C9orf40: variants seen among roughly 807,000 people sequenced by gnomAD.
C9orf40 encodes uncharacterized protein C9orf40.
In C9orf40, 2 loss-of-function variants were observed where a neutral mutation model predicts 7.9. That is an observed-to-expected ratio of 0.25 (90% CI 0.10 to 0.80). C9orf40 has a LOEUF of 0.80. Ranked by LOEUF, C9orf40 falls within the 30% of genes least tolerant of loss-of-function variation. The pLI is 0.68. For missense variants in C9orf40, 256 were observed against 268.5 expected (o/e 0.95, Z 0.33); for synonymous variants, 113 against 117.6 (o/e 0.96, Z 0.25).
intron 1 of C9orf40, among the ~76,000 whole-genome samples, chr9:74,951,656 C>G (rs893532972): frequency 1.3e-5 from 2 of 152,228 alleles, no homozygotes; most frequent in African/African-American, 4.8e-5. Flanking sequence ...TAAAACAAAG[C>G]TTTGACCAAG....
intron 1 of C9orf40, among the ~76,000 whole-genome samples, chr9:74,950,314 C>A (rs1035183088): frequency 1.3e-5 from 2 of 152,216 alleles, no homozygotes; most frequent in South Asian, 2.1e-4. Flanking sequence ...AGAACTCTTA[C>A]GCTTTGCCTA....
Position 74,952,689 on chromosome 9 carries a change from C to CT in C9orf40, c.-79dup. On this transcript the variant is annotated 5_prime_UTR_variant, in exon 1 of 2. Coordinates refer to ENST00000376854, the MANE Select transcript of C9orf40 (RefSeq NM_017998.3). This position sits in a 1 kb window ranked among gnomAD's most constrained non-coding sequence, Gnocchi z 5.4. ...AGCTGCGGGGGGCGAAGAGCGAGGA[C>CT]TGAGCGCGTGAGAGAGGGACAGGCC... 2.2e-6 allele frequency: 3 copies of CT among 1,360,952 alleles called. No individual in the cohort carries two copies. In the South Asian group the frequency reaches 4.2e-5, roughly 19 times the overall value. 84.3% of individuals were successfully genotyped at this position (1,360,952 alleles called of 1,614,324 possible). A position where few individuals can be genotyped will look rare whatever the true frequency, so the allele number is the denominator to read the frequency against.
chr9:74,951,215 C>A (rs1832291015), intron 1 of C9orf40, among the ~76,000 whole-genome samples: 1 of 152,190 alleles, frequency 6.6e-6, no homozygotes, highest in Non-Finnish European at 1.5e-5. Flanking sequence ...ATGAGGCAGG[C>A]TCATGTCTTG....
chr9:74,951,858 C>CTCA, intron 1 of C9orf40, among the ~76,000 whole-genome samples: 1 of 152,356 alleles, frequency 6.6e-6, no homozygotes. Flanking sequence ...TATGCCCTGA[C>CTCA]GGTCTGCGTT....
intron 1 of C9orf40, among the ~76,000 whole-genome samples, chr9:74,951,387 G>A (rs1257317127): frequency 6.6e-6 from 1 of 152,110 alleles, no homozygotes. Context: ...CATCTCCCAG[G>A]TTAAAGTGAT....
chr9:74,949,598 T>A (rs1345959758), intron 1 of C9orf40, among the ~76,000 whole-genome samples: 2 of 152,224 alleles, frequency 1.3e-5, no homozygotes, highest in East Asian at 3.8e-4. Flanking sequence ...TTTGAGGTAG[T>A]ATTTCCTAAA....
Position 74,952,799 on chromosome 9 carries a change from G to GAGGC in C9orf40, c.-192_-189dup. ...GGCCTAGGGCTGGGGCTCCGGCTCG[G>GAGGC]AGGCAGCTCCCGCGCTCAGCCCTCG... On this transcript the variant is annotated 5_prime_UTR_variant, in exon 1 of 2. Transcript: ENST00000376854. The surrounding 1 kb of genome is among the most constrained non-coding windows in gnomAD (Gnocchi z 5.4). The GAGGC allele has an allele frequency of 1.9e-6, 1 of 525,448 alleles. No individual in the cohort carries two copies. The highest frequency in any genetic ancestry group is 3.3e-6 in the Non-Finnish European group (1 of 305,636). The allele number at this position is 525,448 out of a possible 1,614,324, so 32.5% of individuals were successfully genotyped here.
At position 74,946,595 on chromosome 9, in the gene C9orf40, T is replaced by G. The variant is rs1163719125; in HGVS notation, c.*1453A>C. On this transcript the variant is annotated 3_prime_UTR_variant, in exon 2 of 2. Transcript: ENST00000376854. Reference sequence around the variant, plus strand: ...TAAACAGTCTCTCTGAGGTAGATACTATTTATTATTTCTCATTTTACAGGT... The same window carrying G: ...TAAACAGTCTCTCTGAGGTAGATACGATTTATTATTTCTCATTTTACAGGT... 2 of 152,158 alleles carry G rather than the reference T, an allele frequency of 1.3e-5. No individual in the cohort carries two copies. The highest frequency in any genetic ancestry group is 2.9e-5 in the Non-Finnish European group (2 of 67,994). 9.4% of individuals were successfully genotyped at this position (152,158 alleles called of 1,614,324 possible). A position where few individuals can be genotyped will look rare whatever the true frequency, so the allele number is the denominator to read the frequency against.
intron 1 of C9orf40, among the ~76,000 whole-genome samples, chr9:74,951,727 A>C (rs1419031098): frequency 2.0e-5 from 3 of 152,264 alleles, no homozygotes; most frequent in Non-Finnish European, 4.4e-5. Flanking sequence ...TCAATTAATC[A>C]ATGGCTACCA....
intron 1 of C9orf40, among the ~76,000 whole-genome samples, chr9:74,948,840 G>A (rs1435832238): frequency 2.0e-5 from 3 of 152,128 alleles, no homozygotes; most frequent in African/African-American, 7.2e-5. Flanking sequence ...CTTCTATGCT[G>A]AGCCTTAAAG....
rs1484433123 is a variant in C9orf40 at position 74,952,831 on chromosome 9, C to T, written c.-220G>A. On this transcript the variant is annotated 5_prime_UTR_variant, in exon 1 of 2. Transcript: ENST00000376854. The surrounding 1 kb of genome is among the most constrained non-coding windows in gnomAD (Gnocchi z 5.4). Reference sequence around the variant, plus strand: ...CTCCCGCGCTCAGCCCTCGCCGCCGCCGAGATGCGGCCCGGACGTTGAGAA... The same window carrying T: ...CTCCCGCGCTCAGCCCTCGCCGCCGTCGAGATGCGGCCCGGACGTTGAGAA... The T allele has an allele frequency of 6.1e-6, 3 of 491,272 alleles. No homozygotes were observed. The highest frequency in any genetic ancestry group is 1.1e-5 in the Non-Finnish European group (3 of 280,734). 30.4% of individuals were successfully genotyped at this position (491,272 alleles called of 1,614,324 possible). A position where few individuals can be genotyped will look rare whatever the true frequency, so the allele number is the denominator to read the frequency against.
Position 74,948,035 on chromosome 9 carries a change from T to C in C9orf40, c.*13A>G. ...CCTCAAATCAGCCAATCCCACTGCT[T>C]CGGCTCCTTACATCAGGACTCCATG... is the stretch of plus-strand genomic sequence containing the variant. On this transcript the variant is annotated 3_prime_UTR_variant, in exon 2 of 2. Coordinates refer to ENST00000376854, the MANE Select transcript of C9orf40 (RefSeq NM_017998.3). 2 of 1,608,980 alleles carry C rather than the reference T, an allele frequency of 1.2e-6. No individual in the cohort carries two copies. Among genetic ancestry groups the C allele is most frequent in the Non-Finnish European group, 1.7e-6 (2 of 1,177,620 alleles).
Position 74,952,707 on chromosome 9 carries a change from G to T in C9orf40, c.-96C>A. On this transcript the variant is annotated 5_prime_UTR_variant, in exon 1 of 2. Transcript: ENST00000376854. This position sits in a 1 kb window ranked among gnomAD's most constrained non-coding sequence, Gnocchi z 5.4. ...GCGAGGACTGAGCGCGTGAGAGAGG[G>T]ACAGGCCGAAGTCGGGCGAGGAGGC... The T allele has an allele frequency of 2.5e-6, 3 of 1,212,748 alleles. No homozygotes were observed. Among genetic ancestry groups the T allele is most frequent in the Admixed American group, 2.6e-5 (1 of 38,618 alleles). The allele number at this position is 1,212,748 out of a possible 1,614,324, so 75.1% of individuals were successfully genotyped here. A position where few individuals can be genotyped will look rare whatever the true frequency, so the allele number is the denominator to read the frequency against.
chr9:74,952,662 A>T lies in C9orf40; in HGVS notation c.-51T>A. On this transcript the variant is annotated 5_prime_UTR_variant, in exon 1 of 2. Coordinates refer to ENST00000376854, the MANE Select transcript of C9orf40 (RefSeq NM_017998.3). This position sits in a 1 kb window ranked among gnomAD's most constrained non-coding sequence, Gnocchi z 5.4. The stretch of plus-strand genomic sequence containing the variant: ...GCCAGGCGCGGGAGACCGAGTGCCG[A>T]TAGCTGCGGGGGGCGAAGAGCGAGG... 1 of 1,474,158 alleles carries T rather than the reference A, an allele frequency of 6.8e-7. No individual in the cohort carries two copies. The highest frequency in any genetic ancestry group is 9.0e-7 in the Non-Finnish European group (1 of 1,108,474). 91.3% of individuals were successfully genotyped at this position (1,474,158 alleles called of 1,614,324 possible). A position where few individuals can be genotyped will look rare whatever the true frequency, so the allele number is the denominator to read the frequency against.
At chr9:74,951,587 C>T (rs1832299515) in intron 1 of C9orf40, among the ~76,000 whole-genome samples, 1 of 152,140 alleles carries the variant, frequency 6.6e-6, no homozygotes, top group African/African-American at 2.4e-5. Context: ...CACCACGCCC[C>T]GCCCCCAAAT....
intron 1 of C9orf40, among the ~76,000 whole-genome samples, chr9:74,950,588 C>T (rs1341417607): frequency 1.4e-5 from 2 of 144,782 alleles, no homozygotes; most frequent in African/African-American, 5.1e-5. Flanking sequence ...ATGTTTCAAC[C>T]ATAGGAAAAA....
At chr9:74,951,316 G>T (rs1444989519) in intron 1 of C9orf40, among the ~76,000 whole-genome samples, 1 of 151,452 alleles carries the variant, frequency 6.6e-6, no homozygotes, top group African/African-American at 2.4e-5. Context: ...TTTTGAGACA[G>T]CGTCTCACTC....
Position 74,952,393 on chromosome 9 carries a change from G to C in C9orf40, c.219C>G (p.Arg73=). The part of the protein sequence containing the change: ...MAEPSASPSK[R]RDSGDNSAPS... ...GGGCGCTGTTGTCCCCGCTGTCACGGCGCTTGCTGGGCGAAGCCGAGGGCT... is the reference window on the plus strand; with the variant it reads ...GGGCGCTGTTGTCCCCGCTGTCACGCCGCTTGCTGGGCGAAGCCGAGGGCT... The change falls in exon 1 of 2, where the codon CGC becomes CGG. Residue 73 remains arginine (R), a synonymous_variant. Coordinates refer to ENST00000376854, the MANE Select transcript of C9orf40 (RefSeq NM_017998.3). This position sits in a 1 kb window ranked among gnomAD's most constrained non-coding sequence, Gnocchi z 5.4. 9 of 1,578,902 alleles carry C rather than the reference G, an allele frequency of 5.7e-6. 1 individual carries two copies. The Middle Eastern group carries it at 5.3e-4, about 93-fold the overall frequency.
chr9:74,952,885 C>G lies in C9orf40; in HGVS notation c.-274G>C, dbSNP rs994683147. 2.3e-6 allele frequency: 1 copy of G among 442,960 alleles called. No homozygotes were observed. Among genetic ancestry groups the G allele is most frequent in the East Asian group, 3.7e-5 (1 of 26,884 alleles). 27.4% of individuals were successfully genotyped at this position (442,960 alleles called of 1,614,324 possible). On this transcript the variant is annotated 5_prime_UTR_variant, in exon 1 of 2. Coordinates refer to ENST00000376854, the MANE Select transcript of C9orf40 (RefSeq NM_017998.3). The surrounding 1 kb of genome is among the most constrained non-coding windows in gnomAD (Gnocchi z 5.4). ...ACCGCGAAGCGGCGGAGATTCGAACCTGCGCACAACGTGCGCGCGCGCACT... is the reference window on the plus strand; with the variant it reads ...ACCGCGAAGCGGCGGAGATTCGAACGTGCGCACAACGTGCGCGCGCGCACT...
Sources: gnomAD v4.1 joint callset for allele counts (sites outside exome capture counted in the v4.1 genomes callset) on GRCh38, gnomAD v4.1.1 for gene constraint, Gnocchi (gnomAD v3.1) non-coding constraint, MANE v1.5 for transcripts, NCBI Gene and HGNC (gene_info 2026-07-23, HGNC 2026-07-21) for gene names.